The following COL11A2 variants were observed in gnomAD, a reference collection of about 807,000 sequenced individuals.
The protein encoded by COL11A2 is collagen alpha-2(XI) chain.
In COL11A2, 116 loss-of-function variants were observed where a neutral mutation model predicts 273.4. That is an observed-to-expected ratio of 0.42 (90% confidence interval 0.36 to 0.49). The LOEUF is 0.49. Ranked by LOEUF, COL11A2 falls within the 20% of genes least tolerant of loss-of-function variation. COL11A2 has a pLI of 0.00. For missense variants in COL11A2, 1,866 were observed against 2,309.0 expected (o/e 0.81, Z 3.93); for synonymous variants, 782 against 864.2 (o/e 0.90, Z 1.67).
chr6:33,168,533 G>T lies in COL11A2; in HGVS notation c.3946C>A (p.Pro1316Thr), dbSNP rs2229784. Reference sequence around the variant, plus strand: ...ACCTCACTTACTCGCTTTCCAAGTGGCCCTGGGGGTCCATTCTCCCCGGTG... The same window carrying T: ...ACCTCACTTACTCGCTTTCCAAGTGTCCCTGGGGGTCCATTCTCCCCGGTG... ...GPTGENGPPGPLGKRGPAGSP... is the reference protein window; with the variant it reads ...GPTGENGPPGTLGKRGPAGSP... The change falls in exon 54 of 66, where the codon CCA (proline) becomes ACA (threonine). Residue 1316 changes from proline (P) to threonine (T), a missense_variant. Coordinates refer to ENST00000341947, the MANE Select transcript of COL11A2 (RefSeq NM_080680.3). The T allele has an allele frequency of 0.032, 51,882 of 1,613,396 alleles. 1,133 individuals are homozygous for T. The highest frequency in any genetic ancestry group is 0.081 in the East Asian group (3,631 of 44,870).
rs2150534309 is a variant in COL11A2 at position 33,169,325 on chromosome 6, C to T, written c.3798+58G>A. On this transcript the variant is annotated intron_variant, in intron 51 of 65. Transcript: ENST00000341947. The surrounding 1 kb of genome is among the most constrained non-coding windows in gnomAD (Gnocchi z 5.5). ...ATCCTCCCTCACACACACCCATATTCCCAGGTCTGTCATTCACAGGGCCTG... is the reference window on the plus strand; with the variant it reads ...ATCCTCCCTCACACACACCCATATTTCCAGGTCTGTCATTCACAGGGCCTG... 1 of 1,475,456 alleles carries T rather than the reference C, an allele frequency of 6.8e-7. No individual in the cohort carries two copies. The highest frequency in any genetic ancestry group is 1.4e-5 in the African/African-American group (1 of 72,256). The allele number at this position is 1,475,456 out of a possible 1,614,324, so 91.4% of individuals were successfully genotyped here.
Position 33,180,257 on chromosome 6 carries a change from C to A in COL11A2, c.1359+1G>T. On this transcript the variant is annotated splice_donor_variant, in intron 12 of 65. Coordinates refer to ENST00000341947, the MANE Select transcript of COL11A2 (RefSeq NM_080680.3). LOFTEE classifies it high-confidence loss of function. ...GTTCCAAAACCCAAGAGACAACTCA[C>A]TGGGAGCATGAGAGATGTGCCAGGA... 6.2e-7 allele frequency: 1 copy of A among 1,612,904 alleles called. No homozygotes were observed. The highest frequency in any genetic ancestry group is 8.5e-7 in the Non-Finnish European group (1 of 1,179,910).
chr6:33,167,552 A>T lies in COL11A2; in HGVS notation c.4015-19T>A. 6.2e-7 allele frequency: 1 copy of T among 1,609,932 alleles called. No individual in the cohort carries two copies. On this transcript the variant is annotated intron_variant, in intron 55 of 65. Coordinates refer to ENST00000341947, the MANE Select transcript of COL11A2 (RefSeq NM_080680.3). This position sits in a 1 kb window ranked among gnomAD's most constrained non-coding sequence, Gnocchi z 6.1. ...GATCTCCCTGAAACACACACAAGGA[A>T]TGTGTCCTGAATGGCAGAGGAGTGG... is the stretch of plus-strand genomic sequence containing the variant.
chr6:33,173,003 G>A lies in COL11A2; in HGVS notation c.2790+57C>T. 6.4e-7 allele frequency: 1 copy of A among 1,564,836 alleles called. No individual in the cohort carries two copies. The highest frequency in any genetic ancestry group is 8.8e-7 in the Non-Finnish European group (1 of 1,138,154). ...CAGGGGCGTGTGACCGAGAGAAGAGGGGCAGACAGACTAATGCTAGGGTCA... is the reference window on the plus strand; with the variant it reads ...CAGGGGCGTGTGACCGAGAGAAGAGAGGCAGACAGACTAATGCTAGGGTCA... On this transcript the variant is annotated intron_variant, in intron 38 of 65. Transcript: ENST00000341947. The surrounding 1 kb of genome is among the most constrained non-coding windows in gnomAD (Gnocchi z 6.3).
Position 33,167,583 on chromosome 6 carries a change from G to T in COL11A2, c.4015-50C>A. ...CCTGAATGGCAGAGGAGTGGGGTGT[G>T]GGCAGGGGGCAGAGGGTCCAAGGTG... On this transcript the variant is annotated intron_variant, in intron 55 of 65. Coordinates refer to ENST00000341947, the MANE Select transcript of COL11A2 (RefSeq NM_080680.3). This position sits in a 1 kb window ranked among gnomAD's most constrained non-coding sequence, Gnocchi z 6.1. The T allele has an allele frequency of 6.3e-7, 1 of 1,597,480 alleles. No homozygotes were observed. The highest frequency in any genetic ancestry group is 2.2e-5 in the East Asian group (1 of 44,458).
chr6:33,170,077 A>G lies in COL11A2; in HGVS notation c.3606T>C (p.Gly1202=). 6.2e-7 allele frequency: 1 copy of G among 1,612,614 alleles called. No homozygotes were observed. ...GADGPQGPPG[G]VGNLGPPGEK... ...CTCCAGGGGGACCCAGGTTCCCAAC[A>G]CCTCCTGGGGGACCTTGTGGGCCCT... The change falls in exon 49 of 66, where the codon GGT becomes GGC. Residue 1202 remains glycine (G), a synonymous_variant. Coordinates refer to ENST00000341947, the MANE Select transcript of COL11A2 (RefSeq NM_080680.3). This position sits in a 1 kb window ranked among gnomAD's most constrained non-coding sequence, Gnocchi z 4.3.
rs1769921638 is a variant in COL11A2, at chr6:33,170,749, G to A, written c.3474+61C>T. ...ATCGGCAGGCTGCTGGCAGAGTCTG[G>A]GGCAAAACATCACCCCATCCTGACC... On this transcript the variant is annotated intron_variant, in intron 46 of 65. Coordinates refer to ENST00000341947, the MANE Select transcript of COL11A2 (RefSeq NM_080680.3). This position sits in a 1 kb window ranked among gnomAD's most constrained non-coding sequence, Gnocchi z 4.3. The A allele has an allele frequency of 2.5e-6, 4 of 1,597,060 alleles. No homozygotes were observed. Among genetic ancestry groups the A allele is most frequent in the South Asian group, 2.2e-5 (2 of 90,736 alleles).
intron 10 of COL11A2, 106 bp downstream of exon 10, chr6:33,180,858 C>T: frequency 1.3e-6 from 2 of 1,559,008 alleles, no homozygotes; most frequent in Non-Finnish European, 1.8e-6. Context: ...GAGGGATGCT[C>T]CCGAGTTCTG....
At position 33,186,617 on chromosome 6, in the gene COL11A2, G is replaced by C; in HGVS notation, c.798+10C>G. 1 of 1,614,190 alleles carries C rather than the reference G, an allele frequency of 6.2e-7. No individual in the cohort carries two copies. Among genetic ancestry groups the C allele is most frequent in the Non-Finnish European group, 8.5e-7 (1 of 1,180,024 alleles). On this transcript the variant is annotated intron_variant, in intron 5 of 65. Transcript: ENST00000341947. The stretch of plus-strand genomic sequence containing the variant: ...TGTGCTGCACTTGGGGGTTCTCCCA[G>C]CTCCCTCACCTGGCTCTGGGGTTCC...
At chr6:33,182,710 C>CA (rs1216685922) in intron 8 of COL11A2, among the ~76,000 whole-genome samples, 3,559 of 120,044 alleles carry the variant, frequency 0.03, 49 homozygotes, top group South Asian at 0.044. Flanking sequence ...GACCCTGCCT[C>CA]AAAAAAAAAA....
rs891720731 is a variant in COL11A2, at chr6:33,173,321, G to C, written c.2736+27C>G. On this transcript the variant is annotated intron_variant, in intron 37 of 65. Transcript: ENST00000341947. The surrounding 1 kb of genome is among the most constrained non-coding windows in gnomAD (Gnocchi z 6.3). ...TAAAGGGTCTGATGGAGCCCCCTGA[G>C]AATGGGTAGCCAGGAGCATCACTCA... 54 of 1,610,838 alleles carry C rather than the reference G, an allele frequency of 3.4e-5. No homozygotes were observed. The highest frequency in any genetic ancestry group is 3.9e-5 in the Non-Finnish European group (46 of 1,179,796).
Position 33,177,752 on chromosome 6 carries a change from G to C in COL11A2, c.1873-46C>G. 1.2e-6 allele frequency: 2 copies of C among 1,610,356 alleles called. No individual in the cohort carries two copies. Among genetic ancestry groups the C allele is most frequent in the Non-Finnish European group, 1.7e-6 (2 of 1,177,860 alleles). ...GAGCAGCCTGAAGGTGGCCCGGAGG[G>C]ACCTGTGGTTTTCAGAGGCCCGGCC... On this transcript the variant is annotated intron_variant, in intron 21 of 65. Coordinates refer to ENST00000341947, the MANE Select transcript of COL11A2 (RefSeq NM_080680.3). This position sits in a 1 kb window ranked among gnomAD's most constrained non-coding sequence, Gnocchi z 5.9.
At position 33,180,331 on chromosome 6, in the gene COL11A2, C is replaced by T. The variant is rs754169204; in HGVS notation, c.1286G>A (p.Gly429Asp). 3.7e-6 allele frequency: 6 copies of T among 1,612,294 alleles called. No individual in the cohort carries two copies. The highest frequency in any genetic ancestry group is 5.1e-6 in the Non-Finnish European group (6 of 1,179,850). Reference sequence around the variant, plus strand: ...AGGGAGCCCTGCTCGGCCAGGGGGGCCCTGGAGTGGGAAGAGAATGCAAAA... The same window carrying T: ...AGGGAGCCCTGCTCGGCCAGGGGGGTCCTGGAGTGGGAAGAGAATGCAAAA... Reference protein sequence around the residue: ...PGPVGDPGERGPPGRAGLPGS... With the variant: ...PGPVGDPGERDPPGRAGLPGS... The change falls in exon 12 of 66, where the codon GGC becomes GAC. Residue 429 changes from glycine (G) to aspartate (D), a missense_variant and splice_region_variant. Gly to Asp is a moderately conservative substitution (Grantham distance 94). Transcript: ENST00000341947.
intron 9 of COL11A2, 22 bp downstream of exon 9, chr6:33,181,089 C>G: frequency 6.2e-7 from 1 of 1,614,150 alleles, no homozygotes; most frequent in Non-Finnish European, 8.5e-7. Context: ...ACTGCCTCAG[C>G]CCTGTGACCA....
At position 33,176,084 on chromosome 6, in the gene COL11A2, G is replaced by C. The variant is rs746988401; in HGVS notation, c.2215-15C>G. On this transcript the variant is annotated splice_polypyrimidine_tract_variant and intron_variant, in intron 28 of 65. Coordinates refer to ENST00000341947, the MANE Select transcript of COL11A2 (RefSeq NM_080680.3). This position sits in a 1 kb window ranked among gnomAD's most constrained non-coding sequence, Gnocchi z 4.9. Reference sequence around the variant, plus strand: ...CCATCCTCACCCTGAGAAAGATAGAGGTGAGAGGGCACCACAGATGACAGA... The same window carrying C: ...CCATCCTCACCCTGAGAAAGATAGACGTGAGAGGGCACCACAGATGACAGA... 4 of 1,612,912 alleles carry C rather than the reference G, an allele frequency of 2.5e-6. No individual in the cohort carries two copies. The highest frequency in any genetic ancestry group is 3.4e-6 in the Non-Finnish European group (4 of 1,180,024).
intron 30 of COL11A2, 88 bp from the exon 31 acceptor site, chr6:33,174,668 C>T: frequency 7.9e-7 from 1 of 1,272,740 alleles, no homozygotes; most frequent in South Asian, 1.3e-5. Context: ...ATATAACAGC[C>T]AGCCCCCACC....
rs2855428 is a variant in COL11A2 at position 33,174,476 on chromosome 6, C to T, written c.2430+51G>A. On this transcript the variant is annotated intron_variant, in intron 31 of 65. Transcript: ENST00000341947. ...TTTCTGGAATCAGGGATCAGGGAAG[C>T]GAAGAGGAGGAGGGAAGAGGAGGAG... 22 of 1,601,016 alleles carry T rather than the reference C, an allele frequency of 1.4e-5. No individual in the cohort carries two copies. The South Asian group carries it at 1.7e-4, about 12-fold the overall frequency.
rs765316008 is a variant in COL11A2, at chr6:33,177,747, G to A, written c.1873-41C>T. 2.9e-5 allele frequency: 46 copies of A among 1,611,284 alleles called. No individual in the cohort carries two copies. The highest frequency in any genetic ancestry group is 2.3e-4 in the Admixed American group (14 of 59,980). On this transcript the variant is annotated intron_variant, in intron 21 of 65. Coordinates refer to ENST00000341947, the MANE Select transcript of COL11A2 (RefSeq NM_080680.3). The surrounding 1 kb of genome is among the most constrained non-coding windows in gnomAD (Gnocchi z 5.9). ...GGTGTGAGCAGCCTGAAGGTGGCCC[G>A]GAGGGACCTGTGGTTTTCAGAGGCC... is the stretch of plus-strand genomic sequence containing the variant.
rs1243102946 is a variant in COL11A2, at chr6:33,177,795, G to A, written c.1873-89C>T. 7.0e-6 allele frequency: 10 copies of A among 1,423,334 alleles called. No homozygotes were observed. Among genetic ancestry groups the A allele is most frequent in the South Asian group, 2.3e-5 (2 of 85,280 alleles). The allele number at this position is 1,423,334 out of a possible 1,614,324, so 88.2% of individuals were successfully genotyped here. A position where few individuals can be genotyped will look rare whatever the true frequency, so the allele number is the denominator to read the frequency against. ...GCCCGGCCATTCCCGAGGGTGTGAC[G>A]GTCAGACCTCCAATCCATCCCAAAC... On this transcript the variant is annotated intron_variant, in intron 21 of 65. Coordinates refer to ENST00000341947, the MANE Select transcript of COL11A2 (RefSeq NM_080680.3). This position sits in a 1 kb window ranked among gnomAD's most constrained non-coding sequence, Gnocchi z 5.9.
Sources: allele counts gnomAD v4.1 joint callset (sites outside exome capture counted in the v4.1 genomes callset), GRCh38; gene constraint gnomAD v4.1.1; non-coding constraint Gnocchi (gnomAD v3.1); transcripts MANE v1.5; gene names NCBI Gene and HGNC (gene_info 2026-07-23, HGNC 2026-07-21).